Variants in ZNG1A observed in about 807,000 individuals in gnomAD.
ZNG1A encodes zinc-regulated GTPase metalloprotein activator 1A.
the ZNG1A span, among the ~76,000 whole-genome samples, chr9:124,061 G>A: frequency 6.6e-6 from 1 of 152,190 alleles, no homozygotes; most frequent in Non-Finnish European, 1.5e-5. Context: ...TTAGCGATGA[G>A]AATGATAGGA....
the ZNG1A span, among the ~76,000 whole-genome samples, chr9:155,375 C>A: frequency 1.3e-5 from 2 of 151,004 alleles, no homozygotes; most frequent in African/African-American, 4.9e-5. Context: ...TCCCTTAAGC[C>A]CAGGAGTTCA....
At chr9:173,743 C>T in the ZNG1A span, among the ~76,000 whole-genome samples, 47 of 152,188 alleles carry the variant, frequency 3.1e-4, no homozygotes, top group Admixed American at 9.8e-4. Context: ...TGCCCTTCAA[C>T]CTCTTAAGAG....
At chr9:143,600 C>T in the ZNG1A span, among the ~76,000 whole-genome samples, 2 of 126,120 alleles carry the variant, frequency 1.6e-5, no homozygotes, top group African/African-American at 6.8e-5. Flanking sequence ...ACTGAATGGG[C>T]AAAAACTGGA....
chr9:138,108 C>G, the ZNG1A span, among the ~76,000 whole-genome samples: 1 of 151,856 alleles, frequency 6.6e-6, no homozygotes, highest in East Asian at 1.9e-4. Flanking sequence ...TGTCTTCCTA[C>G]TAAATGGAAC....
chr9:149,196 C>G, the ZNG1A span: 1 of 151,792 alleles, frequency 6.6e-6, no homozygotes, highest in African/African-American at 2.4e-5. Flanking sequence ...CACATTGAAT[C>G]TACCTCCCAA....
At chr9:170,769 G>A in the ZNG1A span, among the ~76,000 whole-genome samples, 1 of 144,026 alleles carries the variant, frequency 6.9e-6, no homozygotes, top group African/African-American at 2.7e-5. Context: ...TTTTTACAAT[G>A]AATGTTCCAT....
the ZNG1A span, among the ~76,000 whole-genome samples, chr9:128,563 T>G: frequency 6.8e-6 from 1 of 146,714 alleles, no homozygotes; most frequent in African/African-American, 2.6e-5. Context: ...TCTAGTTCAT[T>G]GAATATTTCT....
chr9:169,688 C>G, the ZNG1A span, among the ~76,000 whole-genome samples: 2 of 149,728 alleles, frequency 1.3e-5, no homozygotes, highest in African/African-American at 5.0e-5. Flanking sequence ...GGTCAGCACC[C>G]ATCAACATCG....
At chr9:154,717 C>T in the ZNG1A span, 6 of 1,597,028 alleles carry the variant, frequency 3.8e-6, no homozygotes, top group East Asian at 2.2e-5. Flanking sequence ...ACCTAATTGT[C>T]GTTCTTAATT....
the ZNG1A span, chr9:162,456 A>C: frequency 6.6e-7 from 1 of 1,519,144 alleles, no homozygotes. Flanking sequence ...TTGAATCCAC[A>C]ATAGTTATGA....
the ZNG1A span, chr9:161,617 G>C: frequency 1.6e-6 from 2 of 1,286,616 alleles, no homozygotes; most frequent in Non-Finnish European, 2.0e-6. Context: ...CAGTGGGTGG[G>C]ATGATTTCAT....
At chr9:169,092 G>T in the ZNG1A span, among the ~76,000 whole-genome samples, 1 of 152,048 alleles carries the variant, frequency 6.6e-6, no homozygotes, top group Non-Finnish European at 1.5e-5. Context: ...TGATGGATCT[G>T]GGCAAAGTAA....
At chr9:171,988 A>C in the ZNG1A span, 4 of 1,590,872 alleles carry the variant, frequency 2.5e-6, no homozygotes, top group South Asian at 1.1e-5. Context: ...TACTAACAAA[A>C]GCTTTAATCC....
At chr9:121,082 CACTT>C in the ZNG1A span, 17 of 178,562 alleles carry the variant, frequency 9.5e-5, no homozygotes, top group Admixed American at 1.7e-4. Flanking sequence ...AAAATGGTGA[CACTT>C]ACTTGTGTTA....
chr9:161,632 T>G, the ZNG1A span: 3 of 1,286,152 alleles, frequency 2.3e-6, no homozygotes. Flanking sequence ...TTTCATTCTT[T>G]TCTGCCTTTA....
At chr9:170,651 G>A in the ZNG1A span, among the ~76,000 whole-genome samples, 2 of 146,312 alleles carry the variant, frequency 1.4e-5, no homozygotes, top group Non-Finnish European at 3.0e-5. Flanking sequence ...CTCCCAAAGT[G>A]CTGGGATTAC....
chr9:158,424 A>T, the ZNG1A span, among the ~76,000 whole-genome samples: 1 of 151,384 alleles, frequency 6.6e-6, no homozygotes, highest in African/African-American at 2.4e-5. Flanking sequence ...AATATTTTTC[A>T]AGATATTATA....
chr9:161,428 A>T, the ZNG1A span: 1 of 421,328 alleles, frequency 2.4e-6, no homozygotes, highest in Non-Finnish European at 4.2e-6. Flanking sequence ...AGATGGTGCC[A>T]CTGCACTCCA....
chr9:155,754 G>T, the ZNG1A span, among the ~76,000 whole-genome samples: 1 of 151,714 alleles, frequency 6.6e-6, no homozygotes, highest in African/African-American at 2.4e-5. Flanking sequence ...TTTTCTATTT[G>T]GCTTATTTAT....
Sources: gnomAD v4.1 joint callset for allele counts (sites outside exome capture counted in the v4.1 genomes callset) on GRCh38, gnomAD v4.1.1 for gene constraint, MANE v1.5 for transcripts, NCBI Gene and HGNC (gene_info 2026-07-23, HGNC 2026-07-21) for gene names.